Variants in EPHA6 observed in about 807,000 individuals in gnomAD.
EPHA6 encodes the protein EPH receptor A6, also known as ephrin type-A receptor 6.
EPHA6 carries 50 observed loss-of-function variants against 112.0 expected under a neutral mutation model. The ratio of observed to expected loss-of-function variants is 0.45; its 90% confidence interval spans 0.36 to 0.56. The LOEUF (loss-of-function observed/expected upper bound fraction) is 0.56. Ranked by LOEUF, EPHA6 falls within the 20% of genes least tolerant of loss-of-function variation. The probability of loss-of-function intolerance (pLI) is 0.00; values close to 1 mark genes in which losing one functional copy is unlikely to be tolerated. For synonymous variants in EPHA6, 529 were observed against 490.7 expected (o/e 1.08, Z -1.03); for missense variants, 1,280 against 1,417.4 (o/e 0.90, Z 1.56).
At chr3:97,386,303 G>A (rs999751578) in intron 5 of EPHA6, among the ~76,000 whole-genome samples, 1 of 152,112 alleles carries the variant, frequency 6.6e-6, no homozygotes, top group African/African-American at 2.4e-5. Context: ...TGTCATTATA[G>A]GAGTGTGAGA....
intron 14 of EPHA6, among the ~76,000 whole-genome samples, chr3:97,665,098 A>C (rs1386062247): frequency 2.0e-5 from 3 of 152,238 alleles, no homozygotes; most frequent in African/African-American, 7.2e-5. Context: ...CCAAAACAGC[A>C]TGGTACTGGT....
intron 3 of EPHA6, among the ~76,000 whole-genome samples, chr3:97,023,684 A>G (rs938167518): frequency 3.3e-5 from 5 of 151,886 alleles, no homozygotes; most frequent in East Asian, 1.9e-4. Flanking sequence ...CTATTTTACA[A>G]TGTTTCTTTT....
At chr3:97,398,588 A>G (rs923620423) in intron 5 of EPHA6, among the ~76,000 whole-genome samples, 2 of 151,460 alleles carry the variant, frequency 1.3e-5, no homozygotes, top group African/African-American at 2.4e-5. Flanking sequence ...TCATTTAAAT[A>G]TTCTTCATTT....
chr3:97,675,065 C>T (rs2031234189), intron 14 of EPHA6, among the ~76,000 whole-genome samples: 1 of 152,138 alleles, frequency 6.6e-6, no homozygotes, highest in South Asian at 2.1e-4. Flanking sequence ...GAAACAACAG[C>T]ACATTATTAT....
chr3:97,656,964 A>G (rs531889683), intron 14 of EPHA6, among the ~76,000 whole-genome samples: 1 of 152,042 alleles, frequency 6.6e-6, no homozygotes, highest in African/African-American at 2.4e-5. Flanking sequence ...CCTCTTAATC[A>G]GTGTATAATA....
intron 12 of EPHA6, among the ~76,000 whole-genome samples, chr3:97,598,493 C>T (rs995167459): frequency 6.9e-6 from 1 of 143,942 alleles, no homozygotes; most frequent in Non-Finnish European, 1.5e-5. Context: ...TCAATTCCCA[C>T]CTATGAGTGA....
Position 97,322,043 on chromosome 3 carries a change from C to T in EPHA6, c.1606+77756C>T, listed in dbSNP as rs940948855. Among the ~76,000 whole-genome samples, 4 of 151,974 alleles carry T rather than the reference C, an allele frequency of 2.6e-5. No homozygotes were observed. The South Asian group carries it at 8.3e-4, about 31-fold the overall frequency. On this transcript the variant is annotated intron_variant, in intron 5 of 17. Transcript: ENST00000389672. ...CCAGGTCCTAGCTATGAAAATTTAA[C>T]GTTGTAATTTTATTTGCTGATGAAG...
intron 14 of EPHA6, among the ~76,000 whole-genome samples, chr3:97,675,107 C>A (rs890797018): frequency 6.6e-6 from 1 of 152,112 alleles, no homozygotes; most frequent in Non-Finnish European, 1.5e-5. Context: ...GTGTAGAAAG[C>A]AATTAGAGAC....
At chr3:96,877,555 T>C (rs1051856085) in intron 2 of EPHA6, among the ~76,000 whole-genome samples, 14 of 152,096 alleles carry the variant, frequency 9.2e-5, no homozygotes, top group Admixed American at 9.2e-4. Flanking sequence ...AAATAGAACA[T>C]ATGGATTTTT....
chr3:96,859,159 AC>A (rs939278204), intron 1 of EPHA6, among the ~76,000 whole-genome samples: 6 of 151,104 alleles, frequency 4.0e-5, no homozygotes, highest in African/African-American at 9.7e-5. Flanking sequence ...ACCCACAAAC[AC>A]CCCCCCAACA....
At chr3:97,465,940 C>T (rs2091035800) in intron 7 of EPHA6, among the ~76,000 whole-genome samples, 1 of 151,910 alleles carries the variant, frequency 6.6e-6, no homozygotes, top group Non-Finnish European at 1.5e-5. Flanking sequence ...TCTTGCTAAA[C>T]TTGCCAGAAA....
intron 5 of EPHA6, among the ~76,000 whole-genome samples, chr3:97,263,687 A>C (rs2079575633): frequency 6.6e-6 from 1 of 152,150 alleles, no homozygotes. Context: ...GCTTATATCA[A>C]AGCTGTTTTG....
intron 5 of EPHA6, among the ~76,000 whole-genome samples, chr3:97,358,923 C>A (rs1249714803): frequency 6.6e-6 from 1 of 151,934 alleles, no homozygotes; most frequent in Non-Finnish European, 1.5e-5. Context: ...TGTTCATAAT[C>A]TTATTGAGAA....
intron 3 of EPHA6, among the ~76,000 whole-genome samples, chr3:97,038,793 A>G (rs2045204504): frequency 6.6e-6 from 1 of 151,374 alleles, no homozygotes; most frequent in African/African-American, 2.4e-5. Flanking sequence ...GGAAATTGTG[A>G]GTCGGGGGGA....
intron 11 of EPHA6, among the ~76,000 whole-genome samples, chr3:97,571,108 T>C (rs1237249011): frequency 6.6e-6 from 1 of 152,202 alleles, no homozygotes; most frequent in Non-Finnish European, 1.5e-5. Context: ...AGAGGGCATA[T>C]AGTGCTGTTA....
At chr3:97,394,431 C>T (rs1201853107) in intron 5 of EPHA6, among the ~76,000 whole-genome samples, 2 of 151,644 alleles carry the variant, frequency 1.3e-5, no homozygotes, top group Non-Finnish European at 3.0e-5. Context: ...GAGATTAGGT[C>T]AAACTATAAA....
chr3:97,694,724 T>A (rs968305539), intron 14 of EPHA6, among the ~76,000 whole-genome samples: 1 of 152,354 alleles, frequency 6.6e-6, no homozygotes, highest in South Asian at 2.1e-4. Flanking sequence ...CTGCAGAAAC[T>A]TCCATTGTAT....
At chr3:97,091,847 G>C (rs1246551410) in intron 3 of EPHA6, among the ~76,000 whole-genome samples, 1 of 152,014 alleles carries the variant, frequency 6.6e-6, no homozygotes. Flanking sequence ...TTAAGAAAAA[G>C]AAATGTAAAC....
At chr3:97,690,518 A>C (rs891903884) in intron 14 of EPHA6, among the ~76,000 whole-genome samples, 1 of 146,618 alleles carries the variant, frequency 6.8e-6, no homozygotes, top group African/African-American at 2.5e-5. Flanking sequence ...CCCAGGCTGG[A>C]GCGTAGTGGC....
Sources: allele counts gnomAD v4.1 joint callset (sites outside exome capture counted in the v4.1 genomes callset), GRCh38; gene constraint gnomAD v4.1.1; transcripts MANE v1.5; gene names NCBI Gene and HGNC (gene_info 2026-07-23, HGNC 2026-07-21).